Variants in CCSER1 observed in about 807,000 individuals in gnomAD.
CCSER1 encodes the protein serine-rich coiled-coil domain-containing protein 1.
In CCSER1, 41 loss-of-function variants were observed where a neutral mutation model predicts 82.0. That is an observed-to-expected ratio of 0.50 (90% confidence interval 0.39 to 0.65). The LOEUF is 0.65. Ranked by LOEUF, CCSER1 falls within the 30% of genes least tolerant of loss-of-function variation. The pLI, the probability that CCSER1 is intolerant of heterozygous loss-of-function variation, is 0.00. For synonymous variants in CCSER1, 414 were observed against 383.9 expected (o/e 1.08, Z -0.92); for missense variants, 1,119 against 1,064.2 (o/e 1.05, Z -0.72).
intron 9 of CCSER1, among the ~76,000 whole-genome samples, chr4:90,923,724 T>C (rs1728704780): frequency 6.6e-6 from 1 of 152,226 alleles, no homozygotes; most frequent in Non-Finnish European, 1.5e-5. Flanking sequence ...GTAGAAGATA[T>C]GCATTAGAAG....
intron 1 of CCSER1, among the ~76,000 whole-genome samples, chr4:90,296,967 G>T (rs1051146309): frequency 1.3e-5 from 2 of 152,284 alleles, no homozygotes; most frequent in African/African-American, 4.8e-5. Flanking sequence ...GATTGACTTG[G>T]CAATGTGGGC....
intron 1 of CCSER1, among the ~76,000 whole-genome samples, chr4:90,136,637 G>A (rs185758245): frequency 6.6e-6 from 1 of 152,310 alleles, no homozygotes; most frequent in Non-Finnish European, 1.5e-5. Flanking sequence ...TAGAGGCATG[G>A]CAAAAATAAA....
chr4:91,586,961 T>C (rs953582091), intron 10 of CCSER1, among the ~76,000 whole-genome samples: 1 of 151,764 alleles, frequency 6.6e-6, no homozygotes, highest in Admixed American at 6.6e-5. Flanking sequence ...TATGAATGAA[T>C]GAAATAATAA....
chr4:90,281,704 T>G (rs575869269), intron 1 of CCSER1, among the ~76,000 whole-genome samples: 1 of 152,196 alleles, frequency 6.6e-6, no homozygotes, highest in African/African-American at 2.4e-5. Context: ...ATTAGCTTTT[T>G]CTTTATGGTG....
chr4:90,267,499 G>C (rs1355272455), intron 1 of CCSER1, among the ~76,000 whole-genome samples: 4 of 152,132 alleles, frequency 2.6e-5, no homozygotes, highest in Non-Finnish European at 5.9e-5. Context: ...AGCAAACATA[G>C]AGATAGGTAG....
intron 10 of CCSER1, among the ~76,000 whole-genome samples, chr4:91,395,573 T>C (rs1324876624): frequency 6.6e-6 from 1 of 152,036 alleles, no homozygotes; most frequent in Non-Finnish European, 1.5e-5. Flanking sequence ...GGCTGAATTA[T>C]ATACAATAAG....
chr4:90,636,007 A>G (rs747061076), intron 6 of CCSER1, among the ~76,000 whole-genome samples: 13 of 152,004 alleles, frequency 8.6e-5, no homozygotes, highest in Non-Finnish European at 1.5e-4. Flanking sequence ...AAAACAAATA[A>G]TAAGCCCAAA....
At chr4:90,303,403 C>T (rs1311470403) in intron 1 of CCSER1, among the ~76,000 whole-genome samples, 1 of 152,090 alleles carries the variant, frequency 6.6e-6, no homozygotes, top group Non-Finnish European at 1.5e-5. Context: ...TCAAACTATA[C>T]TACAAGGCTA....
chr4:91,342,804 C>G (rs1747804075), intron 10 of CCSER1, among the ~76,000 whole-genome samples: 1 of 152,078 alleles, frequency 6.6e-6, no homozygotes, highest in Non-Finnish European at 1.5e-5. Flanking sequence ...ATTCCCTGGT[C>G]ACTTTCCCCA....
At chr4:91,321,027 T>A (rs1746158906) in intron 10 of CCSER1, among the ~76,000 whole-genome samples, 1 of 152,078 alleles carries the variant, frequency 6.6e-6, no homozygotes, top group Admixed American at 6.6e-5. Flanking sequence ...TTTTACCTTG[T>A]CTTATATTTC....
chr4:90,517,000 G>T (rs974364097), intron 5 of CCSER1, among the ~76,000 whole-genome samples: 5 of 151,888 alleles, frequency 3.3e-5, no homozygotes, highest in African/African-American at 1.2e-4. Context: ...CTTACGATGG[G>T]GTTACATCCC....
At chr4:90,682,427 G>A (rs751045851) in intron 6 of CCSER1, among the ~76,000 whole-genome samples, 33 of 151,892 alleles carry the variant, frequency 2.2e-4, no homozygotes, top group Non-Finnish European at 4.3e-4. Context: ...TTTTCCCCAT[G>A]TCTTAATATT....
chr4:90,431,930 A>G (rs1471760520), intron 4 of CCSER1, among the ~76,000 whole-genome samples: 5 of 152,070 alleles, frequency 3.3e-5, no homozygotes, highest in African/African-American at 1.2e-4. Context: ...GTCCATGGAC[A>G]CTAATGCTGG....
intron 10 of CCSER1, among the ~76,000 whole-genome samples, chr4:91,420,661 A>G (rs1391942862): frequency 6.6e-6 from 1 of 152,168 alleles, no homozygotes; most frequent in African/African-American, 2.4e-5. Context: ...TAGAATTACC[A>G]TAGGATCCAG....
chr4:90,367,886 A>G lies in CCSER1; in HGVS notation c.1510-32150A>G, dbSNP rs188724224. On this transcript the variant is annotated intron_variant, in intron 3 of 10. Coordinates refer to ENST00000509176, the MANE Select transcript of CCSER1 (RefSeq NM_001145065.2). ...AGAAGTTAACACATTTGAGCAGAAA[A>G]TAATCCTCAACTATTTACTAATATA... 9.2e-5 allele frequency among the ~76,000 whole-genome samples: 14 copies of G among 152,056 alleles called. No homozygotes were observed. In the East Asian group the frequency reaches 2.7e-3, roughly 29 times the overall value.
chr4:91,081,522 T>C (rs1722741363), intron 9 of CCSER1, among the ~76,000 whole-genome samples: 1 of 152,120 alleles, frequency 6.6e-6, no homozygotes, highest in South Asian at 2.1e-4. Context: ...ATGCCCTCTC[T>C]CACCACTCCT....
At chr4:90,775,473 G>T (rs922428180) in intron 7 of CCSER1, among the ~76,000 whole-genome samples, 2 of 152,158 alleles carry the variant, frequency 1.3e-5, no homozygotes, top group African/African-American at 2.4e-5. Flanking sequence ...AACTACAAAT[G>T]TGAATAGTAA....
At chr4:90,980,763 C>T (rs556505365) in intron 9 of CCSER1, among the ~76,000 whole-genome samples, 3 of 151,714 alleles carry the variant, frequency 2.0e-5, no homozygotes, top group Non-Finnish European at 4.4e-5. Context: ...AGGAATGCCA[C>T]GATGAAGGCC....
chr4:91,359,232 A>G (rs1253633015), intron 10 of CCSER1, among the ~76,000 whole-genome samples: 1 of 151,722 alleles, frequency 6.6e-6, no homozygotes, highest in Non-Finnish European at 1.5e-5. Context: ...CTACTATACA[A>G]TGTCTGTAAT....
Sources: gnomAD v4.1 joint callset for allele counts (sites outside exome capture counted in the v4.1 genomes callset) on GRCh38, gnomAD v4.1.1 for gene constraint, MANE v1.5 for transcripts, NCBI Gene and HGNC (gene_info 2026-07-23, HGNC 2026-07-21) for gene names.